The following CRPPA variants were observed in gnomAD, a reference collection of about 807,000 sequenced individuals.
The protein encoded by CRPPA is D-ribitol-5-phosphate cytidylyltransferase.
Under a neutral mutation model 52.0 loss-of-function variants are expected in CRPPA, and 43 were observed. The ratio of observed to expected loss-of-function variants is 0.83; its 90% confidence interval spans 0.65 to 1.07. The LOEUF is 1.07. Among genes scored for constraint, CRPPA ranks in the 50% least tolerant of loss-of-function variants. CRPPA has a pLI of 0.00. For synonymous variants in CRPPA, 250 were observed against 203.5 expected, an observed-to-expected ratio of 1.23 and a Z score of -1.94; for missense variants, 629 against 551.7, an observed-to-expected ratio of 1.14 and a Z score of -1.40.
chr7:16,400,262 G>T (rs1469186341), intron 2 of CRPPA, among the ~76,000 whole-genome samples: 1 of 152,200 alleles, frequency 6.6e-6, no homozygotes. Flanking sequence ...ACACGTGATT[G>T]TCACGTGATT....
intron 9 of CRPPA, among the ~76,000 whole-genome samples, chr7:16,151,371 A>C (rs1216868166): frequency 4.6e-5 from 7 of 152,134 alleles, no homozygotes; most frequent in African/African-American, 1.7e-4. Flanking sequence ...CTCAGGCTCA[A>C]AATTGAGATA....
chr7:16,184,572 T>A (rs1380879302), intron 9 of CRPPA, among the ~76,000 whole-genome samples: 1 of 152,190 alleles, frequency 6.6e-6, no homozygotes, highest in African/African-American at 2.4e-5. Context: ...GAGAAATACA[T>A]TTTTTGCTGC....
chr7:16,345,849 G>A (rs545094727), intron 3 of CRPPA, among the ~76,000 whole-genome samples: 1 of 152,218 alleles, frequency 6.6e-6, no homozygotes, highest in South Asian at 2.1e-4. Flanking sequence ...TAGAACATTT[G>A]TTCAGGTTTT....
At chr7:16,396,517 A>T (rs1231063119) in intron 2 of CRPPA, among the ~76,000 whole-genome samples, 1 of 152,230 alleles carries the variant, frequency 6.6e-6, no homozygotes, top group African/African-American at 2.4e-5. Context: ...TGGTGACAAG[A>T]TTCCTTAAAA....
chr7:16,195,351 C>T (rs971929560), intron 9 of CRPPA, among the ~76,000 whole-genome samples: 2 of 152,072 alleles, frequency 1.3e-5, no homozygotes, highest in African/African-American at 4.8e-5. Flanking sequence ...AGTTGACTCA[C>T]TCTCTTAATA....
At position 16,397,667 on chromosome 7, in the gene CRPPA, C is replaced by T. The variant is rs189689278; in HGVS notation, c.534+8394G>A. ...ACACATGACTGACATGTGACTAAGA[C>T]GTCACCGACAAACACGTGACTGACA... On this transcript the variant is annotated intron_variant, in intron 2 of 9. Transcript: ENST00000407010. Among the ~76,000 whole-genome samples, 325 of 151,960 alleles carry T rather than the reference C, an allele frequency of 2.1e-3. 2 individuals are homozygous for T. The highest frequency in any genetic ancestry group is 7.3e-3 in the African/African-American group (301 of 41,294).
At chr7:16,114,038 A>G (rs147131212) in intron 9 of CRPPA, among the ~76,000 whole-genome samples, 3,268 of 152,118 alleles carry the variant, frequency 0.021, 64 homozygotes, top group Non-Finnish European at 0.033. Flanking sequence ...TTAGGAGGTA[A>G]CTGATCAAAC....
At chr7:16,314,605 C>A (rs13438718) in intron 3 of CRPPA, among the ~76,000 whole-genome samples, 40,222 of 151,868 alleles carry the variant, frequency 0.26, 7,216 homozygotes, top group African/African-American at 0.52. Flanking sequence ...GGTCTACTGG[C>A]AAAAAATTTC....
At chr7:16,392,905 C>A (rs1232919890) in intron 2 of CRPPA, among the ~76,000 whole-genome samples, 1 of 152,130 alleles carries the variant, frequency 6.6e-6, no homozygotes, top group African/African-American at 2.4e-5. Flanking sequence ...CTCTTAATTA[C>A]TCTATCTTTT....
intron 3 of CRPPA, among the ~76,000 whole-genome samples, chr7:16,358,644 A>G (rs191877159): frequency 7.4e-4 from 112 of 152,350 alleles, no homozygotes; most frequent in African/African-American, 2.7e-3. Flanking sequence ...GAAGAATACT[A>G]TAAGCAGAAA....
chr7:16,178,850 A>C (rs556377875), intron 9 of CRPPA, among the ~76,000 whole-genome samples: 11 of 152,112 alleles, frequency 7.2e-5, no homozygotes, highest in Non-Finnish European at 1.3e-4. Flanking sequence ...TTGTGTCTTT[A>C]TTATGTTCCT....
At chr7:16,414,144 C>A (rs1484456515) in intron 1 of CRPPA, among the ~76,000 whole-genome samples, 1 of 152,130 alleles carries the variant, frequency 6.6e-6, no homozygotes, top group Non-Finnish European at 1.5e-5. Flanking sequence ...TGTCCTCCAC[C>A]TAAGAGAGCT....
chr7:16,363,447 A>C (rs1485475315), intron 3 of CRPPA, among the ~76,000 whole-genome samples: 1 of 152,230 alleles, frequency 6.6e-6, no homozygotes, highest in African/African-American at 2.4e-5. Flanking sequence ...TTATAGACTT[A>C]CTGATTTCAA....
chr7:16,220,625 T>C (rs375927045), intron 8 of CRPPA, among the ~76,000 whole-genome samples: 9,827 of 134,952 alleles, frequency 0.073, 391 homozygotes, highest in East Asian at 0.14. Context: ...TGTACAAAAA[T>C]CACAAGCATT....
chr7:16,224,121 T>G (rs192678952), intron 8 of CRPPA, among the ~76,000 whole-genome samples: 48 of 152,208 alleles, frequency 3.2e-4, no homozygotes, highest in African/African-American at 1.0e-3. Context: ...GCCTCATGGC[T>G]TTGTGGGTGG....
At chr7:16,360,704 G>C (rs908550473) in intron 3 of CRPPA, among the ~76,000 whole-genome samples, 1 of 152,086 alleles carries the variant, frequency 6.6e-6, no homozygotes, top group Non-Finnish European at 1.5e-5. Flanking sequence ...CTCTTACATC[G>C]TGACATATAC....
intron 3 of CRPPA, among the ~76,000 whole-genome samples, chr7:16,334,797 T>C (rs1374681076): frequency 6.6e-6 from 1 of 152,148 alleles, no homozygotes; most frequent in Non-Finnish European, 1.5e-5. Flanking sequence ...TCCTGTGTTG[T>C]CATCAGTGGC....
rs1468494353 is a variant in CRPPA, at chr7:16,407,262, G to GGTA, written c.258-926_258-925insTAC. On this transcript the variant is annotated intron_variant, in intron 1 of 9. Transcript: ENST00000407010. ...CAAAGTGTTGGGATTATAGGCATGA[G>GGTA]CCACCAAGCCCAGCCTGTAAAACAT... 4.6e-5 allele frequency among the ~76,000 whole-genome samples: 7 copies of GGTA among 152,282 alleles called. No homozygotes were observed. In the East Asian group the frequency reaches 1.4e-3, roughly 29 times the overall value.
intron 8 of CRPPA, among the ~76,000 whole-genome samples, chr7:16,227,002 T>A (rs1334880019): frequency 2.0e-5 from 3 of 151,968 alleles, no homozygotes; most frequent in African/African-American, 7.2e-5. Context: ...TATTTGTCTT[T>A]CTGTGCCTGG....
Sources: allele counts gnomAD v4.1 joint callset (sites outside exome capture counted in the v4.1 genomes callset), GRCh38; gene constraint gnomAD v4.1.1; transcripts MANE v1.5; gene names NCBI Gene and HGNC (gene_info 2026-07-23, HGNC 2026-07-21).